The following TXNDC8 variants were observed in gnomAD, a reference collection of about 807,000 sequenced individuals.
TXNDC8 encodes the protein thioredoxin domain-containing protein 8.
A neutral mutation model predicts 12.9 loss-of-function variants in TXNDC8; 15 were observed. The ratio of observed to expected loss-of-function variants is 1.16; its 90% CI spans 0.78 to 1.79. TXNDC8 has a LOEUF of 1.79. TXNDC8 is among the 40% of genes most tolerant of loss of function. TXNDC8 has a pLI of 0.00. For synonymous variants in TXNDC8, 40 were observed against 35.4 expected (o/e 1.13, Z -0.46); for missense variants, 128 against 113.2 (o/e 1.13, Z -0.59).
intron 3 of TXNDC8, among the ~76,000 whole-genome samples, chr9:110,321,820 C>T (rs1271593907): frequency 6.6e-6 from 1 of 152,024 alleles, no homozygotes; most frequent in African/African-American, 2.4e-5. Flanking sequence ...TTGCAGGTCA[C>T]TGTGAGGTAA....
chr9:110,311,557 A>ATATATT (rs1554702019), intron 3 of TXNDC8, among the ~76,000 whole-genome samples: 18 of 125,942 alleles, frequency 1.4e-4, no homozygotes, highest in African/African-American at 1.8e-4. Flanking sequence ...ATATATATAT[A>ATATATT]TCTCCATACT....
chr9:110,322,145 A>G (rs1839124113), intron 3 of TXNDC8, among the ~76,000 whole-genome samples: 2 of 152,184 alleles, frequency 1.3e-5, no homozygotes, highest in African/African-American at 4.8e-5. Context: ...AACGTTTAGA[A>G]GTAGAGTCAT....
intron 3 of TXNDC8, among the ~76,000 whole-genome samples, chr9:110,321,857 A>G (rs564770589): frequency 6.6e-6 from 1 of 152,270 alleles, no homozygotes; most frequent in African/African-American, 2.4e-5. Flanking sequence ...CAGAGGTGTC[A>G]TGGCTTAACT....
At chr9:110,323,129 A>G in intron 3 of TXNDC8, 1 of 985,374 alleles carries the variant, frequency 1.0e-6, no homozygotes, top group Non-Finnish European at 1.2e-6. Context: ...ACAAATCTGG[A>G]GAACAGAGAT....
intron 3 of TXNDC8, among the ~76,000 whole-genome samples, chr9:110,312,072 C>A (rs570297971): frequency 1.3e-5 from 2 of 151,462 alleles, no homozygotes; most frequent in Non-Finnish European, 2.9e-5. Context: ...AAAAAAAAAC[C>A]GAAGTAATAT....
chr9:110,302,099 C>G (rs1262327009), downstream of TXNDC8, among the ~76,000 whole-genome samples: 1 of 152,096 alleles, frequency 6.6e-6, no homozygotes, highest in Non-Finnish European at 1.5e-5. Flanking sequence ...AAGTAATCCT[C>G]CCACCTCAGC....
At chr9:110,311,400 CT>C (rs1838657475) in intron 3 of TXNDC8, among the ~76,000 whole-genome samples, 1 of 149,156 alleles carries the variant, frequency 6.7e-6, no homozygotes, top group Non-Finnish European at 1.5e-5. Context: ...GAAGTGTGTC[CT>C]TTTTAAAAAG....
intron 2 of TXNDC8, among the ~76,000 whole-genome samples, chr9:110,332,631 T>A (rs1839588293): frequency 1.3e-5 from 2 of 152,164 alleles, no homozygotes; most frequent in African/African-American, 2.4e-5. Context: ...ACATGTAAAG[T>A]TTTATACAAT....
At chr9:110,313,443 G>T (rs944342089) in intron 3 of TXNDC8, among the ~76,000 whole-genome samples, 1 of 151,984 alleles carries the variant, frequency 6.6e-6, no homozygotes, top group Non-Finnish European at 1.5e-5. Context: ...GCTCACACCT[G>T]TAATCTCAGC....
intron 1 of TXNDC8, among the ~76,000 whole-genome samples, chr9:110,337,021 C>G (rs1350790687): frequency 6.6e-6 from 1 of 152,178 alleles, no homozygotes; most frequent in Non-Finnish European, 1.5e-5. Context: ...AAAACATGTT[C>G]TTATGTCGAA....
intron 3 of TXNDC8, among the ~76,000 whole-genome samples, chr9:110,310,565 T>C (rs957258696): frequency 1.3e-5 from 2 of 152,202 alleles, no homozygotes; most frequent in African/African-American, 2.4e-5. Context: ...CCTGAAAATA[T>C]ATAAAAGAGC....
intron 3 of TXNDC8, chr9:110,322,536 C>G: frequency 1.0e-6 from 1 of 985,420 alleles, no homozygotes. Context: ...AGAATTGAGA[C>G]CAAGCAGGGC....
At chr9:110,310,224 T>C (rs112673565) in intron 3 of TXNDC8, among the ~76,000 whole-genome samples, 20 of 146,314 alleles carry the variant, frequency 1.4e-4, no homozygotes, top group Non-Finnish European at 2.4e-4. Context: ...TGTGTGTGTG[T>C]GCATGTGTAT....
At chr9:110,311,859 A>G (rs1051765756) in intron 3 of TXNDC8, among the ~76,000 whole-genome samples, 1 of 146,220 alleles carries the variant, frequency 6.8e-6, no homozygotes, top group Non-Finnish European at 1.5e-5. Flanking sequence ...GATATACTAT[A>G]TACTATATAT....
In TXNDC8 at chr9:110,329,352, GA is replaced by G. The variant is rs1312801564; in HGVS notation, c.130-3113del. The G allele has an allele frequency of 6.0e-6, 8 of 1,332,354 alleles. No individual in the cohort carries two copies. The Admixed American group carries it at 7.8e-5, about 13-fold the overall frequency. The allele number at this position is 1,332,354 out of a possible 1,614,324, so 82.5% of individuals were successfully genotyped here. A position where few individuals can be genotyped will look rare whatever the true frequency, so the allele number is the denominator to read the frequency against. ...GGTGTTAATATTAAAATACACACTG[GA>G]AGTGTCTTTTCAGTAGAAAAGAAAA... On this transcript the variant is annotated intron_variant, in intron 2 of 4. Coordinates refer to ENST00000423740, the MANE Select transcript of TXNDC8 (RefSeq NM_001286946.2).
At chr9:110,327,328 T>A (rs1313947266) in intron 2 of TXNDC8, among the ~76,000 whole-genome samples, 42 of 142,820 alleles carry the variant, frequency 2.9e-4, no homozygotes, top group African/African-American at 8.3e-4. Flanking sequence ...TACTATATAT[T>A]TTTTTTTTTT....
At chr9:110,325,926 G>A (rs1839298558) in intron 3 of TXNDC8, among the ~76,000 whole-genome samples, 1 of 152,126 alleles carries the variant, frequency 6.6e-6, no homozygotes, top group South Asian at 2.1e-4. Context: ...AAATACTTAT[G>A]GACTTGGATA....
At chr9:110,328,475 A>C (rs1370803825) in intron 2 of TXNDC8, among the ~76,000 whole-genome samples, 1 of 152,228 alleles carries the variant, frequency 6.6e-6, no homozygotes, top group Non-Finnish European at 1.5e-5. Flanking sequence ...AGCAAAATAT[A>C]TTAAGATGTC....
chr9:110,311,678 T>TTATA (rs368580581), intron 3 of TXNDC8, among the ~76,000 whole-genome samples: 6,390 of 115,810 alleles, frequency 0.055, 270 homozygotes, highest in East Asian at 0.087. Flanking sequence ...TAGTATATCC[T>TTATA]TATATATATA....
Sources: gnomAD v4.1 joint callset for allele counts (sites outside exome capture counted in the v4.1 genomes callset) on GRCh38, gnomAD v4.1.1 for gene constraint, MANE v1.5 for transcripts, NCBI Gene and HGNC (gene_info 2026-07-23, HGNC 2026-07-21) for gene names.